The following MBOAT4 variants were observed in gnomAD, a reference collection of about 807,000 sequenced individuals.
MBOAT4 encodes the protein membrane bound ghrelin O-acyltransferase MBOAT4.
MBOAT4 carries 11 observed loss-of-function variants against 13.2 expected under a neutral mutation model. The observed-to-expected ratio is 0.84, with a 90% CI of 0.53 to 1.38. MBOAT4 has a LOEUF of 1.38. Ranked by LOEUF, MBOAT4 falls within the 40% of genes most tolerant of loss-of-function variation. The pLI is 0.00. For synonymous variants in MBOAT4, 202 were observed against 210.3 expected, an observed-to-expected ratio of 0.96 and a Z score of 0.34; for missense variants, 481 against 527.2, an observed-to-expected ratio of 0.91 and a Z score of 0.86.
intron 2 of MBOAT4, chr8:30,137,766 C>G: frequency 2.2e-6 from 1 of 446,008 alleles, no homozygotes; most frequent in Non-Finnish European, 4.0e-6. Flanking sequence ...TTTCCCAAAA[C>G]AAACCCCCTT....
In MBOAT4 at chr8:30,138,665, C is replaced by T. The variant is rs904359544; in HGVS notation, c.211G>A (p.Val71Met). ...GGAGCCAGGGAACAGAGGAGAGCCACAGCGCAGACAGCAGGGGTGAAGACG... is the reference window on the plus strand; with the variant it reads ...GGAGCCAGGGAACAGAGGAGAGCCATAGCGCAGACAGCAGGGGTGAAGACG... The part of the protein sequence containing the change: ...VLVFTPAVCA[V>M]ALLCSLAPQQ... The change falls in exon 2 of 3, where the codon GTG (valine) becomes ATG (methionine). Residue 71 changes from valine to methionine, a missense_variant. Transcript: ENST00000320542. The T allele has an allele frequency of 2.6e-6, 4 of 1,551,166 alleles. No individual in the cohort carries two copies. The highest frequency in any genetic ancestry group is 3.5e-6 in the Non-Finnish European group (4 of 1,146,890).
rs2117531709 is a variant in MBOAT4, at chr8:30,132,192, C to T, written c.1059G>A (p.Val353=). The T allele has an allele frequency of 6.4e-7, 1 of 1,551,856 alleles. No individual in the cohort carries two copies. The highest frequency in any genetic ancestry group is 8.7e-7 in the Non-Finnish European group (1 of 1,147,036). ...GAATCAGGTAGTCAGCTTCCACCATCACGGCCCAGCAAACGAAACCAAACA... is the reference window on the plus strand; with the variant it reads ...GAATCAGGTAGTCAGCTTCCACCATTACGGCCCAGCAAACGAAACCAAACA... ...GQVFGFVCWA[V]MVEADYLIHS... Residue 353 remains valine (V), a synonymous_variant, in exon 3 of 3, where the codon GTG becomes GTA. Transcript: ENST00000320542.
intron 1 of MBOAT4, among the ~76,000 whole-genome samples, chr8:30,142,251 TAAG>T (rs1458234557): frequency 6.6e-6 from 1 of 152,204 alleles, no homozygotes; most frequent in East Asian, 1.9e-4. Context: ...GTTCTACAGA[TAAG>T]AAGAGGGCAT....
intron 2 of MBOAT4, among the ~76,000 whole-genome samples, chr8:30,133,118 T>C (rs533027485): frequency 3.5e-4 from 53 of 152,168 alleles, no homozygotes; most frequent in Non-Finnish European, 7.1e-4. Flanking sequence ...GGTCTCACTA[T>C]GTTGCCCAGG....
At position 30,131,968 on chromosome 8, in the gene MBOAT4, G is replaced by A. The variant is rs147257777; in HGVS notation, c.1283C>T (p.Ala428Val). ...TCAGTTACATTTGTGCTTTCTCTTCGCCAATAGCAAAAGCAGAATACAGTA... is the reference window on the plus strand; with the variant it reads ...TCAGTTACATTTGTGCTTTCTCTTCACCAATAGCAAAAGCAGAATACAGTA... ...MVYCILLLLL[A>V]KRKHKCN The change falls in exon 3 of 3, where the codon GCG (alanine) becomes GTG (valine). Residue 428 changes from alanine (A) to valine (V), a missense_variant. Coordinates refer to ENST00000320542, the MANE Select transcript of MBOAT4 (RefSeq NM_001100916.2). The A allele has an allele frequency of 2.0e-5, 31 of 1,549,046 alleles. No individual in the cohort carries two copies. In the East Asian group the frequency reaches 3.9e-4, roughly 20 times the overall value.
rs113696531 is a variant in MBOAT4 at position 30,141,559 on chromosome 8, G to C, written c.120-2803C>G. On this transcript the variant is annotated intron_variant, in intron 1 of 2. Transcript: ENST00000320542. ...AGGCTGAGGCAGGAGAATCGCTTGAGCTCAGGAGGCAGAGGTTGCAGTGAG... is the reference window on the plus strand; with the variant it reads ...AGGCTGAGGCAGGAGAATCGCTTGACCTCAGGAGGCAGAGGTTGCAGTGAG... Among the ~76,000 whole-genome samples the C allele has an allele frequency of 2.3e-3, 348 of 152,222 alleles. 5 individuals are homozygous for C. Among genetic ancestry groups the C allele is most frequent in the African/African-American group, 7.3e-3 (302 of 41,532 alleles).
At position 30,133,169 on chromosome 8, in the gene MBOAT4, G is replaced by T. The variant is rs191511856; in HGVS notation, c.345-263C>A. On this transcript the variant is annotated intron_variant, in intron 2 of 2. Coordinates refer to ENST00000320542, the MANE Select transcript of MBOAT4 (RefSeq NM_001100916.2). ...TGGGCTTAAGCAATCTGCCTGTCTC[G>T]GCCTCCCAGAGTGCTGGGATTACAG... 7.6e-4 allele frequency among the ~76,000 whole-genome samples: 116 copies of T among 152,026 alleles called. 6 individuals are homozygous for T. The East Asian group carries it at 0.014, about 18-fold the overall frequency.
intron 2 of MBOAT4, among the ~76,000 whole-genome samples, chr8:30,133,352 A>C (rs1225595603): frequency 1.3e-5 from 2 of 152,216 alleles, no homozygotes. Flanking sequence ...AATTTTTTGT[A>C]ATGATCATGT....
chr8:30,132,808 C>T lies in MBOAT4; in HGVS notation c.443G>A (p.Gly148Asp), dbSNP rs1803056299. The T allele has an allele frequency of 6.4e-7, 1 of 1,551,748 alleles. No homozygotes were observed. The highest frequency in any genetic ancestry group is 1.4e-5 in the African/African-American group (1 of 73,184). Residue 148 changes from glycine to aspartate, a missense_variant, in exon 3 of 3, where the codon GGC becomes GAC. Physicochemically the swap from Gly to Asp is moderately conservative, Grantham distance 94. Coordinates refer to ENST00000320542, the MANE Select transcript of MBOAT4 (RefSeq NM_001100916.2). The part of the protein sequence containing the change: ...CEGKVKAASG[G>D]FRSRSSLSEH... Reference sequence around the variant, plus strand: ...AGACAAAGAGCTCCTGCTCCTGAAGCCTCCAGATGCTGCCTTCACTTTCCC... The same window carrying T: ...AGACAAAGAGCTCCTGCTCCTGAAGTCTCCAGATGCTGCCTTCACTTTCCC...
Position 30,138,523 on chromosome 8 carries a change from G to T in MBOAT4, c.344+9C>A, listed in dbSNP as rs1803197906. The T allele has an allele frequency of 6.5e-7, 1 of 1,540,604 alleles. No homozygotes were observed. The highest frequency in any genetic ancestry group is 8.8e-7 in the Non-Finnish European group (1 of 1,138,000). ...TGGGCTGAGCATGACCAACGAACAGGCTGCTTACCTCACAGAAGGAGGCTC... is the reference window on the plus strand; with the variant it reads ...TGGGCTGAGCATGACCAACGAACAGTCTGCTTACCTCACAGAAGGAGGCTC... On this transcript the variant is annotated intron_variant, in intron 2 of 2. Transcript: ENST00000320542.
chr8:30,134,443 A>C (rs1803096065), intron 2 of MBOAT4, among the ~76,000 whole-genome samples: 1 of 152,108 alleles, frequency 6.6e-6, no homozygotes, highest in Non-Finnish European at 1.5e-5. Context: ...ACAAAAAAAA[A>C]AACAAAAAAA....
At chr8:30,138,038 A>G (rs776806602) in intron 2 of MBOAT4, 1 of 172,548 alleles carries the variant, frequency 5.8e-6, no homozygotes, top group East Asian at 1.5e-4. Flanking sequence ...AGCTGACTCA[A>G]TGCAAGAAGA....
rs771814013 is a variant in MBOAT4, at chr8:30,138,680, G to A, written c.196C>T (p.Pro66Ser). 6.4e-6 allele frequency: 10 copies of A among 1,551,206 alleles called. No homozygotes were observed. The highest frequency in any genetic ancestry group is 1.4e-5 in the African/African-American group (1 of 73,140). ...AGGAGAGCCACAGCGCAGACAGCAG[G>A]GGTGAAGACGAGCACGGCGTAGGAA... ...MGSYAVLVFT[P>S]AVCAVALLCS... is the part of the protein sequence containing the mutation. Residue 66 changes from proline to serine, a missense_variant, in exon 2 of 3, where the codon CCT becomes TCT. By Grantham distance (74) the Pro-to-Ser change is moderately conservative. Coordinates refer to ENST00000320542, the MANE Select transcript of MBOAT4 (RefSeq NM_001100916.2).
rs113091423 is a variant in MBOAT4 at position 30,135,336 on chromosome 8, C to T, written c.345-2430G>A. Among the ~76,000 whole-genome samples, 1,219 of 152,184 alleles carry T rather than the reference C, an allele frequency of 8.0e-3. 9 individuals carry two copies. Among genetic ancestry groups the T allele is most frequent in the Non-Finnish European group, 0.014 (954 of 68,008 alleles). On this transcript the variant is annotated intron_variant, in intron 2 of 2. Coordinates refer to ENST00000320542, the MANE Select transcript of MBOAT4 (RefSeq NM_001100916.2). ...GTGGGAAATGTTGATTATAATATTT[C>T]CAAGAAAGGCCTACAAAGATTAGGA... is the stretch of plus-strand genomic sequence containing the variant.
rs574657592 is a variant in MBOAT4, at chr8:30,132,407, C to T, written c.844G>A (p.Glu282Lys). The T allele has an allele frequency of 1.3e-6, 2 of 1,551,762 alleles. No individual in the cohort carries two copies. The highest frequency in any genetic ancestry group is 3.9e-5 in the Admixed American group (2 of 50,998). The change falls in exon 3 of 3, where the codon GAG becomes AAG. Residue 282 changes from glutamate (E) to lysine (K), a missense_variant. By Grantham distance (56) the Glu-to-Lys change is moderately conservative. Transcript: ENST00000320542. ...GPELGQSPGEEGYVPDADIWT... is the reference protein window; with the variant it reads ...GPELGQSPGEKGYVPDADIWT... ...ATGTCTGCATCGGGGACATATCCCTCCTCTCCAGGGCTCTGACCAAGCTCA... is the reference window on the plus strand; with the variant it reads ...ATGTCTGCATCGGGGACATATCCCTTCTCTCCAGGGCTCTGACCAAGCTCA...
At chr8:30,141,521 C>T (rs546432806) in intron 1 of MBOAT4, among the ~76,000 whole-genome samples, 1 of 152,018 alleles carries the variant, frequency 6.6e-6, no homozygotes, top group East Asian at 1.9e-4. Flanking sequence ...CCCTGTAATC[C>T]CAGCTACTCA....
chr8:30,142,139 C>T (rs568233657), intron 1 of MBOAT4, among the ~76,000 whole-genome samples: 1 of 152,138 alleles, frequency 6.6e-6, no homozygotes, highest in African/African-American at 2.4e-5. Flanking sequence ...TGTGACTTAG[C>T]GATTGCATAT....
intron 2 of MBOAT4, among the ~76,000 whole-genome samples, chr8:30,133,189 T>C (rs1010905673): frequency 6.6e-6 from 1 of 152,184 alleles, no homozygotes; most frequent in Admixed American, 6.5e-5. Flanking sequence ...AGTGCTGGGA[T>C]TACAGGCATG....
At chr8:30,144,327 G>C (rs1490397548) in intron 1 of MBOAT4, among the ~76,000 whole-genome samples, 156 bp downstream of exon 1, 1 of 152,092 alleles carries the variant, frequency 6.6e-6, no homozygotes, top group Non-Finnish European at 1.5e-5. Context: ...TTAGAGACAG[G>C]GTTTCGCTAT....
Sources: gnomAD v4.1 joint callset for allele counts (sites outside exome capture counted in the v4.1 genomes callset) on GRCh38, gnomAD v4.1.1 for gene constraint, MANE v1.5 for transcripts, NCBI Gene and HGNC (gene_info 2026-07-23, HGNC 2026-07-21) for gene names.